The following RUNX1 variants were observed in gnomAD, a reference collection of about 807,000 sequenced individuals.
RUNX1 encodes runt-related transcription factor 1.
A neutral mutation model predicts 42.8 loss-of-function variants in RUNX1; 19 were observed. That is an observed-to-expected ratio of 0.44 (90% CI 0.31 to 0.65). The LOEUF is 0.65. RUNX1 is among the 30% of genes least tolerant of loss of function. The pLI, the probability that RUNX1 is intolerant of heterozygous loss-of-function variation, is 0.07. For missense variants in RUNX1, 528 were observed against 672.0 expected (o/e 0.79, Z 2.37); for synonymous variants, 271 against 289.4 (o/e 0.94, Z 0.64).
chr21:34,792,346 G>A lies in RUNX1; in HGVS notation c.1232C>T (p.Ala411Val), dbSNP rs1233174774. 1 of 1,556,288 alleles carries A rather than the reference G, an allele frequency of 6.4e-7. No individual in the cohort carries two copies. Among genetic ancestry groups the A allele is most frequent in the Admixed American group, 2.0e-5 (1 of 51,270 alleles). ...CACCATGGAGAACTGGTAGGAGCCG[G>A]CCGAGGCGCCGTAGTACAGGTGGTA... ...PSYHLYYGAS[A>V]GSYQFSMVGG... The change falls in exon 9 of 9, where the codon GCC becomes GTC. Residue 411 changes from alanine to valine, a missense_variant. Physicochemically the swap from Ala to Val is moderately conservative, Grantham distance 64. Transcript: ENST00000675419. This position sits in a 1 kb window ranked among gnomAD's most constrained non-coding sequence, Gnocchi z 6.9.
intron 5 of RUNX1, among the ~76,000 whole-genome samples, chr21:34,874,600 A>C (rs1376333835): frequency 8.6e-6 from 1 of 116,080 alleles, no homozygotes; most frequent in Non-Finnish European, 1.7e-5. Context: ...ACAAGAGGGA[A>C]ACTCTGTCTC....
intron 6 of RUNX1, among the ~76,000 whole-genome samples, chr21:34,838,318 T>A (rs1327082829): frequency 1.3e-5 from 2 of 152,190 alleles, no homozygotes. Flanking sequence ...TTAGATAGAA[T>A]AAAGAATTTT....
At chr21:35,008,978 A>C (rs1483064370) in intron 2 of RUNX1, among the ~76,000 whole-genome samples, 3 of 152,226 alleles carry the variant, frequency 2.0e-5, no homozygotes, top group African/African-American at 7.2e-5. Flanking sequence ...TGTAATGGAG[A>C]GGTTGATGCT....
intron 6 of RUNX1, among the ~76,000 whole-genome samples, chr21:34,841,188 G>A (rs1394810180): frequency 1.3e-5 from 2 of 151,962 alleles, no homozygotes; most frequent in Non-Finnish European, 2.9e-5. Flanking sequence ...CACCCACCCC[G>A]CCCACACTCC....
chr21:35,009,556 C>T (rs1222644543), intron 2 of RUNX1, among the ~76,000 whole-genome samples: 1 of 152,156 alleles, frequency 6.6e-6, no homozygotes, highest in Non-Finnish European at 1.5e-5. Flanking sequence ...TCTCAGCCAC[C>T]TAAGCATGCA....
intron 5 of RUNX1, among the ~76,000 whole-genome samples, chr21:34,877,491 G>A (rs546486890): frequency 2.6e-5 from 4 of 152,248 alleles, no homozygotes; most frequent in Admixed American, 1.3e-4. Context: ...CCTTTGTAAA[G>A]GAGCGGTCGA....
chr21:34,907,213 A>T lies in RUNX1; in HGVS notation c.59-14250T>A, dbSNP rs1226256109. ...AAACCTAAACAGGAGAATCCCACTTAGCATCTGCCCACAGGTAAGGGGCAC... is the reference window on the plus strand; with the variant it reads ...AAACCTAAACAGGAGAATCCCACTTTGCATCTGCCCACAGGTAAGGGGCAC... On this transcript the variant is annotated intron_variant, in intron 2 of 8. Coordinates refer to ENST00000675419, the MANE Select transcript of RUNX1 (RefSeq NM_001754.5). This position sits in a 1 kb window ranked among gnomAD's most constrained non-coding sequence, Gnocchi z 5.3. 1.3e-5 allele frequency among the ~76,000 whole-genome samples: 2 copies of T among 152,180 alleles called. No homozygotes were observed. Among genetic ancestry groups the T allele is most frequent in the Non-Finnish European group, 2.9e-5 (2 of 68,034 alleles).
intron 5 of RUNX1, among the ~76,000 whole-genome samples, chr21:34,861,948 T>C (rs2057582761): frequency 6.6e-6 from 1 of 151,884 alleles, no homozygotes; most frequent in Non-Finnish European, 1.5e-5. Context: ...CCCTTTTCTA[T>C]ATACCCATGT....
intron 2 of RUNX1, among the ~76,000 whole-genome samples, chr21:34,990,404 C>T (rs895589375): frequency 3.9e-5 from 6 of 152,098 alleles, no homozygotes; most frequent in African/African-American, 1.4e-4. Flanking sequence ...TGCACGTGTG[C>T]CGCTGTGTGA....
At chr21:34,957,710 G>A (rs2058654799) in intron 2 of RUNX1, among the ~76,000 whole-genome samples, 1 of 152,186 alleles carries the variant, frequency 6.6e-6, no homozygotes, top group African/African-American at 2.4e-5. Context: ...GCTTTTGCAA[G>A]GATCCCGGAA....
At chr21:34,953,127 CTT>C (rs66463322) in intron 2 of RUNX1, among the ~76,000 whole-genome samples, 13 of 145,524 alleles carry the variant, frequency 8.9e-5, no homozygotes, top group South Asian at 2.2e-4. Context: ...GTTTTGGGGA[CTT>C]TTTTTTTTTT....
intron 2 of RUNX1, among the ~76,000 whole-genome samples, chr21:34,969,764 G>GAA (rs2058748337): frequency 7.3e-6 from 1 of 136,270 alleles, no homozygotes; most frequent in South Asian, 2.3e-4. Context: ...ATCAGTTAAA[G>GAA]CAAAAAAAAA....
intron 7 of RUNX1, among the ~76,000 whole-genome samples, chr21:34,803,813 G>A (rs776353284): frequency 3.1e-4 from 47 of 152,168 alleles, no homozygotes; most frequent in Admixed American, 4.6e-4. Flanking sequence ...AGGTGTACAC[G>A]GCATATATCA....
chr21:34,870,047 A>G (rs927283473), intron 5 of RUNX1, among the ~76,000 whole-genome samples: 4 of 152,174 alleles, frequency 2.6e-5, no homozygotes, highest in Admixed American at 2.0e-4. Flanking sequence ...CGTTTCTCCT[A>G]TTGCTAACAG....
chr21:34,925,663 T>A (rs1277426191), intron 2 of RUNX1, among the ~76,000 whole-genome samples: 1 of 152,176 alleles, frequency 6.6e-6, no homozygotes, highest in African/African-American at 2.4e-5. Flanking sequence ...TTTGAGGCAA[T>A]AAATTTCTGT....
At chr21:34,918,700 G>A (rs2058330985) in intron 2 of RUNX1, among the ~76,000 whole-genome samples, 1 of 152,214 alleles carries the variant, frequency 6.6e-6, no homozygotes, top group African/African-American at 2.4e-5. Flanking sequence ...ACAAGGTCAA[G>A]AGATCGAGAC....
chr21:35,041,177 A>C (rs979046789), intron 2 of RUNX1, among the ~76,000 whole-genome samples: 3 of 152,160 alleles, frequency 2.0e-5, no homozygotes, highest in African/African-American at 7.2e-5. Flanking sequence ...TAACGCCCAG[A>C]AGTAAAAGTT....
At chr21:34,899,472 TC>T (rs1267745816) in intron 2 of RUNX1, among the ~76,000 whole-genome samples, 2 of 152,092 alleles carry the variant, frequency 1.3e-5, no homozygotes, top group African/African-American at 2.4e-5. Context: ...TACCCTGATC[TC>T]AGACTTCCCA....
intron 2 of RUNX1, among the ~76,000 whole-genome samples, chr21:34,936,574 A>G (rs988869734): frequency 1.3e-5 from 2 of 152,210 alleles, no homozygotes; most frequent in Non-Finnish European, 2.9e-5. Context: ...AGGCTGCTAC[A>G]GGTGTGGCAT....
Sources: gnomAD v4.1 joint callset for allele counts (sites outside exome capture counted in the v4.1 genomes callset) on GRCh38, gnomAD v4.1.1 for gene constraint, Gnocchi (gnomAD v3.1) non-coding constraint, MANE v1.5 for transcripts, NCBI Gene and HGNC (gene_info 2026-07-23, HGNC 2026-07-21) for gene names.